The following PPFIA4 variants were observed in gnomAD, a reference collection of about 807,000 sequenced individuals.
PPFIA4 encodes the protein liprin-alpha-4.
In PPFIA4, 98 loss-of-function variants were observed where a neutral mutation model predicts 145.7. The observed-to-expected ratio is 0.67, with a 90% confidence interval of 0.57 to 0.80. The LOEUF is 0.80. PPFIA4 is among the 30% of genes least tolerant of loss of function. PPFIA4 has a pLI of 0.00. For missense variants in PPFIA4, 1,457 were observed against 1,632.7 expected, an observed-to-expected ratio of 0.89 and a Z score of 1.85; for synonymous variants, 628 against 649.6, an observed-to-expected ratio of 0.97 and a Z score of 0.51.
intron 6 of PPFIA4, 64 bp downstream of exon 6, chr1:203,044,849 G>C (rs1036984863): frequency 7.2e-7 from 1 of 1,379,376 alleles, no homozygotes; most frequent in Non-Finnish European, 1.0e-6. Flanking sequence ...TTGGAGGCCC[G>C]GCTCTGCCTT....
Position 203,043,506 on chromosome 1 carries a change from G to T in PPFIA4, c.336+8G>T. ...GAACGGAATAACACACGGGTAAGTG[G>T]GGATGACCTTGTGTCGCGCGCGCGC... On this transcript the variant is annotated splice_region_variant and intron_variant, in intron 3 of 29. Coordinates refer to ENST00000295706, the MANE Select transcript of PPFIA4 (RefSeq NM_001304331.2). This position sits in a 1 kb window ranked among gnomAD's most constrained non-coding sequence, Gnocchi z 4.4. 6.2e-7 allele frequency: 1 copy of T among 1,603,382 alleles called. No homozygotes were observed. The highest frequency in any genetic ancestry group is 1.1e-5 in the South Asian group (1 of 89,544).
chr1:203,036,681 G>C (rs369366283), intron 1 of PPFIA4, among the ~76,000 whole-genome samples: 2 of 152,198 alleles, frequency 1.3e-5, no homozygotes, highest in Non-Finnish European at 2.9e-5. Flanking sequence ...GTGGGTGGGA[G>C]AATTGGAGGA....
At chr1:203,069,058 A>T (rs1029687738) in intron 27 of PPFIA4, among the ~76,000 whole-genome samples, 5 of 152,136 alleles carry the variant, frequency 3.3e-5, no homozygotes, top group African/African-American at 1.2e-4. Context: ...CACCCTAGGG[A>T]TCTGCTCCTG....
At chr1:203,057,991 A>G (rs901033619) in intron 19 of PPFIA4, among the ~76,000 whole-genome samples, 8 of 152,042 alleles carry the variant, frequency 5.3e-5, no homozygotes, top group African/African-American at 1.9e-4. Context: ...GAGTGGGGAG[A>G]TGGGACTGGA....
At position 203,063,993 on chromosome 1, in the gene PPFIA4, A is replaced by G. The variant is rs751675973; in HGVS notation, c.3040A>G (p.Ser1014Gly). Residue 1014 changes from serine (S) to glycine (G), a missense_variant, in exon 25 of 30, where the codon AGC becomes GGC. Physicochemically the swap from Ser to Gly is moderately conservative, Grantham distance 56 (BLOSUM62 0). Transcript: ENST00000295706. ...GCGGGTCCACCTGAAGATGGTGGAC[A>G]GCTTCCATCGGTGAGCGCGGCTGGG... ...DLRVHLKMVDSFHRTSLQYGI... is the reference protein window; with the variant it reads ...DLRVHLKMVDGFHRTSLQYGI... The G allele has an allele frequency of 5.6e-6, 9 of 1,613,086 alleles. No individual in the cohort carries two copies. In the South Asian group the frequency reaches 7.7e-5, roughly 14 times the overall value.
chr1:203,067,801 G>T lies in PPFIA4; in HGVS notation c.3148+9G>T, dbSNP rs759307787. Reference sequence around the variant, plus strand: ...CCAGCATGAGATCAAGGGTAAGCTCGTCAGGCTTGGAGAGGGTTCGGGAGC... The same window carrying T: ...CCAGCATGAGATCAAGGGTAAGCTCTTCAGGCTTGGAGAGGGTTCGGGAGC... On this transcript the variant is annotated intron_variant, in intron 26 of 29. Coordinates refer to ENST00000295706, the MANE Select transcript of PPFIA4 (RefSeq NM_001304331.2). The T allele has an allele frequency of 1.2e-6, 2 of 1,613,122 alleles. No individual in the cohort carries two copies. Among genetic ancestry groups the T allele is most frequent in the Non-Finnish European group, 1.7e-6 (2 of 1,179,634 alleles).
At chr1:203,061,367 G>C (rs1162265094) in intron 23 of PPFIA4, 2 of 525,938 alleles carry the variant, frequency 3.8e-6, no homozygotes, top group Non-Finnish European at 6.7e-6. Flanking sequence ...CTTCCTCCCT[G>C]GTGGAGGAAT....
At chr1:203,074,984 CAGGT>C (rs1478105456) in intron 28 of PPFIA4, among the ~76,000 whole-genome samples, 1 of 152,042 alleles carries the variant, frequency 6.6e-6, no homozygotes, top group Non-Finnish European at 1.5e-5. Context: ...GCCTGAGAAA[CAGGT>C]AGGGCAGATG....
chr1:203,063,094 G>A (rs1661503773), intron 24 of PPFIA4: 2 of 152,228 alleles, frequency 1.3e-5, no homozygotes, highest in Admixed American at 6.5e-5. Context: ...ATCAAGTAAG[G>A]GTAAGGAAAG....
In PPFIA4 at chr1:203,071,743, G is replaced by C. The variant is rs754657419; in HGVS notation, c.3376G>C (p.Asp1126His). ...EFNNLLALGT[D>H]RKLDDGDDKV... is the part of the protein sequence containing the mutation. ...CAATAACCTGTTGGCCTTGGGCACA[G>C]ACCGGAAGCTGGATGACGTGAGTAC... Residue 1126 changes from aspartate (D) to histidine (H), a missense_variant, in exon 28 of 30, where the codon GAC becomes CAC. Asp to His is a moderately conservative substitution (Grantham distance 81). This residue lies in a region of PPFIA4 where 848 missense variants were observed against 1,046.7 expected (regional missense o/e 0.81). Transcript: ENST00000295706. 8 of 1,612,828 alleles carry C rather than the reference G, an allele frequency of 5.0e-6. No homozygotes were observed. Among genetic ancestry groups the C allele is most frequent in the Admixed American group, 3.3e-5 (2 of 59,954 alleles).
chr1:203,030,016 C>T (rs947236991), intron 1 of PPFIA4, among the ~76,000 whole-genome samples: 1 of 152,182 alleles, frequency 6.6e-6, no homozygotes, highest in African/African-American at 2.4e-5. Context: ...GTTGAATTCT[C>T]ATAAGTTAGA....
At chr1:203,073,869 A>G (rs757492134) in intron 28 of PPFIA4, among the ~76,000 whole-genome samples, 3 of 152,166 alleles carry the variant, frequency 2.0e-5, no homozygotes, top group Non-Finnish European at 4.4e-5. Flanking sequence ...TGGGGAGGAC[A>G]GCAGTGACAA....
In PPFIA4 at chr1:203,059,124, G is replaced by A. The variant is rs370652515; in HGVS notation, c.2408-54G>A. 136 of 1,379,774 alleles carry A rather than the reference G, an allele frequency of 9.9e-5. 2 individuals carry two copies. The South Asian group carries it at 1.6e-3, about 16-fold the overall frequency. 85.5% of individuals were successfully genotyped at this position (1,379,774 alleles called of 1,614,324 possible). ...CTTCTGTTCCCCACCCCTGATCCAGGCAAGGGAGGAGAGGCAGAGGGGCTG... is the reference window on the plus strand; with the variant it reads ...CTTCTGTTCCCCACCCCTGATCCAGACAAGGGAGGAGAGGCAGAGGGGCTG... On this transcript the variant is annotated intron_variant, in intron 19 of 29. Coordinates refer to ENST00000295706, the MANE Select transcript of PPFIA4 (RefSeq NM_001304331.2).
chr1:203,061,722 G>A (rs1661375183), intron 24 of PPFIA4, 44 bp downstream of exon 24: 1 of 1,540,886 alleles, frequency 6.5e-7, no homozygotes, highest in Non-Finnish European at 8.8e-7. Flanking sequence ...CAAAACTTCA[G>A]GACAGTGTTC....
In PPFIA4 at chr1:203,043,625, C is replaced by T; in HGVS notation, c.336+127C>T. The T allele has an allele frequency of 1.2e-6, 1 of 867,890 alleles. No homozygotes were observed. Among genetic ancestry groups the T allele is most frequent in the South Asian group, 1.6e-5 (1 of 61,170 alleles). The allele number at this position is 867,890 out of a possible 1,614,324, so 53.8% of individuals were successfully genotyped here. A position where few individuals can be genotyped will look rare whatever the true frequency, so the allele number is the denominator to read the frequency against. ...CCAGGCACAGTCCTAGCTCAAGCCC[C>T]ATCCTTCCCTCTTCCTGTCTCCCAT... On this transcript the variant is annotated intron_variant, in intron 3 of 29. Transcript: ENST00000295706. The surrounding 1 kb of genome is among the most constrained non-coding windows in gnomAD (Gnocchi z 4.4).
In PPFIA4 at chr1:203,043,533, C is replaced by CGT. The variant is rs367908222; in HGVS notation, c.336+50_336+51dup. On this transcript the variant is annotated intron_variant, in intron 3 of 29. Coordinates refer to ENST00000295706, the MANE Select transcript of PPFIA4 (RefSeq NM_001304331.2). This position sits in a 1 kb window ranked among gnomAD's most constrained non-coding sequence, Gnocchi z 4.4. Reference sequence around the variant, plus strand: ...GATGACCTTGTGTCGCGCGCGCGCACGTGTGTGTGTGTGTGTATGGGGGTG... The same window carrying CGT: ...GATGACCTTGTGTCGCGCGCGCGCACGTGTGTGTGTGTGTGTGTATGGGGGTG... The CGT allele has an allele frequency of 6.1e-3, 9,061 of 1,486,390 alleles. 214 individuals are homozygous for CGT. The African/African-American group carries it at 0.092, about 15-fold the overall frequency. 92.1% of individuals were successfully genotyped at this position (1,486,390 alleles called of 1,614,324 possible).
rs566344671 is a variant in PPFIA4 at position 203,035,135 on chromosome 1, C to T, written c.-399-3475C>T. The T allele has an allele frequency of 3.3e-5, 12 of 360,666 alleles. No individual in the cohort carries two copies. The Admixed American group carries it at 3.6e-4, about 11-fold the overall frequency. The allele number at this position is 360,666 out of a possible 1,614,324, so 22.3% of individuals were successfully genotyped here. Reference sequence around the variant, plus strand: ...CCTCCCCATTTCTTCAGATCCTCCTCTCACCTCCAGCTGGGTGGGTGTCCG... The same window carrying T: ...CCTCCCCATTTCTTCAGATCCTCCTTTCACCTCCAGCTGGGTGGGTGTCCG... On this transcript the variant is annotated intron_variant, in intron 1 of 29. Transcript: ENST00000295706.
intron 6 of PPFIA4, 105 bp downstream of exon 6, chr1:203,044,890 T>C (rs1659956920): frequency 1.1e-6 from 1 of 931,376 alleles, no homozygotes; most frequent in Non-Finnish European, 1.7e-6. Context: ...TGAATTAAAT[T>C]TGAGGCTTTC....
chr1:203,053,543 CAAACCAA>C (rs1321162874), intron 14 of PPFIA4, among the ~76,000 whole-genome samples: 7 of 106,058 alleles, frequency 6.6e-5, no homozygotes, highest in South Asian at 2.6e-4. Context: ...AAAAAACAAA[CAAACCAA>C]AAACCAAAAA....
Sources: allele counts gnomAD v4.1 joint callset (sites outside exome capture counted in the v4.1 genomes callset), GRCh38; gene constraint gnomAD v4.1.1; regional missense constraint gnomAD v4.1.1; non-coding constraint Gnocchi (gnomAD v3.1); transcripts MANE v1.5; gene names NCBI Gene and HGNC (gene_info 2026-07-23, HGNC 2026-07-21).